FAF1: variants seen among roughly 807,000 people sequenced by gnomAD.
FAF1 encodes the protein Fas associated factor 1.
FAF1 carries 25 observed loss-of-function variants against 92.5 expected under a neutral mutation model. The ratio of observed to expected loss-of-function variants is 0.27; its 90% CI spans 0.20 to 0.38. The LOEUF is 0.38. Ranked by LOEUF, FAF1 falls within the 10% of genes least tolerant of loss-of-function variation. FAF1 has a pLI of 1.00. For synonymous variants in FAF1, 234 were observed against 273.2 expected, an observed-to-expected ratio of 0.86 and a Z score of 1.42; for missense variants, 636 against 793.3, an observed-to-expected ratio of 0.80 and a Z score of 2.38.
intron 1 of FAF1, among the ~76,000 whole-genome samples, chr1:50,909,704 A>T (rs1216378026): frequency 6.6e-6 from 1 of 152,116 alleles, no homozygotes; most frequent in Non-Finnish European, 1.5e-5. Flanking sequence ...TGTAGTTCTC[A>T]TGCCATGGTT....
At chr1:50,689,343 C>T (rs1486492470) in intron 7 of FAF1, among the ~76,000 whole-genome samples, 1 of 152,082 alleles carries the variant, frequency 6.6e-6, no homozygotes, top group African/African-American at 2.4e-5. Flanking sequence ...CCAGCACTTT[C>T]AGAGGCCGAG....
At chr1:50,576,832 C>CTT (rs34718011) in intron 12 of FAF1, among the ~76,000 whole-genome samples, 3 of 140,668 alleles carry the variant, frequency 2.1e-5, no homozygotes, top group Non-Finnish European at 4.6e-5. Context: ...GTTCGTTTTT[C>CTT]TTTTTTTTTT....
At chr1:50,495,266 C>A (rs1224743962) in intron 15 of FAF1, among the ~76,000 whole-genome samples, 1 of 152,144 alleles carries the variant, frequency 6.6e-6, no homozygotes, top group Non-Finnish European at 1.5e-5. Context: ...CCCCACTGCC[C>A]TCCCTAGCCT....
intron 8 of FAF1, chr1:50,612,381 GT>G: frequency 8.2e-7 from 1 of 1,215,944 alleles, no homozygotes; most frequent in Non-Finnish European, 1.0e-6. Flanking sequence ...AAGAGGTTCC[GT>G]TAGTGGAGAA....
At chr1:50,549,391 C>T (rs1572825991) in intron 13 of FAF1, among the ~76,000 whole-genome samples, 1 of 152,082 alleles carries the variant, frequency 6.6e-6, no homozygotes. Context: ...TCACGGAAGG[C>T]TTGAACTCCT....
At chr1:50,672,548 G>GGATTAT (rs1655944700) in intron 7 of FAF1, among the ~76,000 whole-genome samples, 1 of 152,142 alleles carries the variant, frequency 6.6e-6, no homozygotes, top group Non-Finnish European at 1.5e-5. Context: ...CTACCAAAGT[G>GGATTAT]CTGGGATTAT....
chr1:50,657,048 C>CA (rs376141769), intron 7 of FAF1, among the ~76,000 whole-genome samples: 1 of 150,042 alleles, frequency 6.7e-6, no homozygotes, highest in African/African-American at 2.4e-5. Flanking sequence ...ACATTTCTAC[C>CA]AAAAAATAAC....
intron 8 of FAF1, among the ~76,000 whole-genome samples, chr1:50,606,561 A>G (rs1350512014): frequency 7.7e-6 from 1 of 130,506 alleles, no homozygotes; most frequent in Non-Finnish European, 1.5e-5. Context: ...GTGCAATGGC[A>G]CGATCTCAGC....
intron 13 of FAF1, among the ~76,000 whole-genome samples, chr1:50,549,118 A>G (rs569675277): frequency 2.0e-5 from 3 of 152,316 alleles, no homozygotes; most frequent in African/African-American, 7.2e-5. Context: ...GTTATTCTTT[A>G]CACCATGCTT....
At chr1:50,874,605 T>C (rs964412571) in intron 1 of FAF1, among the ~76,000 whole-genome samples, 1 of 152,096 alleles carries the variant, frequency 6.6e-6, no homozygotes, top group Non-Finnish European at 1.5e-5. Context: ...ACAATCCACC[T>C]GCCTCAGTCT....
chr1:50,942,851 G>A (rs558868220), intron 1 of FAF1, among the ~76,000 whole-genome samples: 2 of 151,900 alleles, frequency 1.3e-5, no homozygotes, highest in Admixed American at 6.6e-5. Flanking sequence ...ATTGCGTTAC[G>A]GGAGAGGAAC....
intron 15 of FAF1, among the ~76,000 whole-genome samples, chr1:50,492,185 T>G (rs1418681820): frequency 6.6e-6 from 1 of 152,224 alleles, no homozygotes; most frequent in East Asian, 1.9e-4. Flanking sequence ...ATTAGTTCTC[T>G]TCTCCTTTTC....
In FAF1 at chr1:50,939,370, G is replaced by A. The variant is rs116417963; in HGVS notation, c.45+20397C>T. The stretch of plus-strand genomic sequence containing the variant: ...TCTTGATTTGACTCTAAGCCTGGGC[G>A]TTACTGGTGTATAGAAATGCTACTG... On this transcript the variant is annotated intron_variant, in intron 1 of 18. Transcript: ENST00000396153. 3.0e-3 allele frequency among the ~76,000 whole-genome samples: 459 copies of A among 152,244 alleles called. 4 individuals carry two copies. Among genetic ancestry groups the A allele is most frequent in the African/African-American group, 0.01 (430 of 41,536 alleles).
At chr1:50,751,783 T>C (rs1659879516) in intron 4 of FAF1, among the ~76,000 whole-genome samples, 1 of 152,264 alleles carries the variant, frequency 6.6e-6, no homozygotes, top group South Asian at 2.1e-4. Context: ...TTATAAGAAA[T>C]ATTTTCCTGT....
intron 1 of FAF1, among the ~76,000 whole-genome samples, chr1:50,924,222 T>C (rs1283478396): frequency 6.6e-6 from 1 of 151,238 alleles, no homozygotes; most frequent in African/African-American, 2.4e-5. Context: ...TCAGTGAAGT[T>C]GCAAGACACA....
chr1:50,680,431 C>T (rs1459918547), intron 7 of FAF1, among the ~76,000 whole-genome samples: 1 of 151,936 alleles, frequency 6.6e-6, no homozygotes, highest in South Asian at 2.1e-4. Flanking sequence ...GCCTGTAATC[C>T]CAGAACTTTG....
rs530699977 is a variant in FAF1 at position 50,826,979 on chromosome 1, C to T, written c.115-25302G>A. On this transcript the variant is annotated intron_variant, in intron 2 of 18. Coordinates refer to ENST00000396153, the MANE Select transcript of FAF1 (RefSeq NM_007051.3). The stretch of plus-strand genomic sequence containing the variant: ...CTGGGAGGTGAGGAGTGCCTCTGCC[C>T]GGCCGCCCATCGTCTGGGATGTGAG... 1.2e-3 allele frequency among the ~76,000 whole-genome samples: 173 copies of T among 145,406 alleles called. 1 individual carries two copies. The highest frequency in any genetic ancestry group is 1.0e-3 in the Non-Finnish European group (69 of 66,760).
At chr1:50,739,662 G>C (rs1301989345) in intron 5 of FAF1, among the ~76,000 whole-genome samples, 2 of 152,082 alleles carry the variant, frequency 1.3e-5, no homozygotes, top group Non-Finnish European at 2.9e-5. Context: ...ATTAGACCTT[G>C]AAAAGATCAC....
At chr1:50,780,903 GC>G in intron 4 of FAF1, 1 of 485,528 alleles carries the variant, frequency 2.1e-6, no homozygotes, top group Non-Finnish European at 4.1e-6. Context: ...ACATGGCTCA[GC>G]AGGAAGCAGA....
Sources: allele counts gnomAD v4.1 joint callset (sites outside exome capture counted in the v4.1 genomes callset), GRCh38; gene constraint gnomAD v4.1.1; transcripts MANE v1.5; gene names NCBI Gene and HGNC (gene_info 2026-07-23, HGNC 2026-07-21).